The following HS2ST1 variants were observed in gnomAD, a reference collection of about 807,000 sequenced individuals.
The protein encoded by HS2ST1 is heparan sulfate 2-O-sulfotransferase 1.
HS2ST1 carries 18 observed loss-of-function variants against 42.9 expected under a neutral mutation model. The ratio of observed to expected loss-of-function variants is 0.42; its 90% CI spans 0.29 to 0.62. The LOEUF is 0.62. Among genes scored for constraint, HS2ST1 ranks in the 20% least tolerant of loss-of-function variants. The probability of loss-of-function intolerance (pLI) is 0.21; values close to 1 mark genes in which losing one functional copy is unlikely to be tolerated. For missense variants in HS2ST1, 334 were observed against 433.8 expected, an observed-to-expected ratio of 0.77 and a Z score of 2.04; for synonymous variants, 146 against 152.9, an observed-to-expected ratio of 0.95 and a Z score of 0.33.
chr1:86,999,753 T>C (rs1649224553), intron 1 of HS2ST1, among the ~76,000 whole-genome samples: 1 of 152,208 alleles, frequency 6.6e-6, no homozygotes, highest in Admixed American at 6.5e-5. Flanking sequence ...AGTCAAATAT[T>C]CTGCAAGAGT....
At chr1:86,953,531 C>T (rs1403248431) in intron 1 of HS2ST1, among the ~76,000 whole-genome samples, 3 of 152,130 alleles carry the variant, frequency 2.0e-5, no homozygotes, top group African/African-American at 7.2e-5. Flanking sequence ...CCAAGGCAGG[C>T]AGCGGATCAC....
At chr1:87,010,051 AAAAC>A (rs1024490140) in intron 1 of HS2ST1, among the ~76,000 whole-genome samples, 2 of 34,254 alleles carry the variant, frequency 5.8e-5, no homozygotes, top group Non-Finnish European at 1.1e-4. Flanking sequence ...AAAACAAAAC[AAAAC>A]AAAAAAAAAA....
chr1:87,098,224 G>C (rs1652116151), intron 5 of HS2ST1: 1 of 1,001,084 alleles, frequency 1.0e-6, no homozygotes. Context: ...TTAGAGACTG[G>C]GGGTGGGGGT....
At chr1:86,928,605 C>A (rs946357152) in intron 1 of HS2ST1, among the ~76,000 whole-genome samples, 26 of 151,900 alleles carry the variant, frequency 1.7e-4, no homozygotes, top group Non-Finnish European at 2.8e-4. Context: ...CAGAAAAACT[C>A]AGTTGTTTCC....
intron 1 of HS2ST1, among the ~76,000 whole-genome samples, chr1:87,072,718 G>C (rs1308290722): frequency 6.6e-6 from 1 of 152,040 alleles, no homozygotes; most frequent in Admixed American, 6.6e-5. Flanking sequence ...TTCTTGAATA[G>C]GAAGATTATG....
intron 1 of HS2ST1, among the ~76,000 whole-genome samples, chr1:86,947,869 G>A (rs2102182658): frequency 6.6e-6 from 1 of 152,262 alleles, no homozygotes; most frequent in South Asian, 2.1e-4. Context: ...GTTTGGAGAA[G>A]ATGGTATAGG....
intron 1 of HS2ST1, among the ~76,000 whole-genome samples, chr1:87,058,228 C>T (rs1286081754): frequency 6.6e-6 from 1 of 151,592 alleles, no homozygotes; most frequent in Non-Finnish European, 1.5e-5. Context: ...ATGAGTATCT[C>T]CAGAGACTAA....
chr1:87,067,997 C>T (rs572018829), intron 1 of HS2ST1, among the ~76,000 whole-genome samples: 4 of 152,178 alleles, frequency 2.6e-5, no homozygotes, highest in Non-Finnish European at 4.4e-5. Flanking sequence ...AAGTCGGTAG[C>T]GTGATGCCTC....
At chr1:86,973,309 G>A (rs1477853767) in intron 1 of HS2ST1, among the ~76,000 whole-genome samples, 3 of 149,672 alleles carry the variant, frequency 2.0e-5, no homozygotes, top group African/African-American at 7.4e-5. Context: ...ATCAAGTTTA[G>A]ATCAGTTTCC....
At chr1:87,000,002 A>C (rs764232405) in intron 1 of HS2ST1, among the ~76,000 whole-genome samples, 79 of 152,276 alleles carry the variant, frequency 5.2e-4, no homozygotes, top group Admixed American at 1.7e-3. Context: ...CAGCAAGTAC[A>C]CCTTGCCTGT....
At chr1:87,098,078 G>A in intron 5 of HS2ST1, 143 bp downstream of exon 5, 1 of 1,439,430 alleles carries the variant, frequency 6.9e-7, no homozygotes, top group Non-Finnish European at 9.1e-7. Context: ...ATCTAGTTTT[G>A]CAGTTACTTT....
At chr1:86,985,979 C>G (rs534550438) in intron 1 of HS2ST1, among the ~76,000 whole-genome samples, 1 of 148,808 alleles carries the variant, frequency 6.7e-6, no homozygotes, top group South Asian at 2.1e-4. Context: ...ATTGTGTGAG[C>G]TTTGCTTGAC....
chr1:87,020,937 G>A (rs1649926871), intron 1 of HS2ST1, among the ~76,000 whole-genome samples: 2 of 152,124 alleles, frequency 1.3e-5, no homozygotes, highest in South Asian at 4.1e-4. Context: ...ACAGTTCTGA[G>A]CCTCATTCTA....
chr1:86,943,996 T>C (rs899986758), intron 1 of HS2ST1, among the ~76,000 whole-genome samples: 5 of 151,450 alleles, frequency 3.3e-5, no homozygotes, highest in Non-Finnish European at 7.4e-5. Flanking sequence ...CATTGCACTC[T>C]CCCTGGGTAA....
In HS2ST1 at chr1:86,989,895, T is replaced by C. The variant is rs536741202; in HGVS notation, c.124+74735T>C. Among the ~76,000 whole-genome samples, 182 of 152,266 alleles carry C rather than the reference T, an allele frequency of 1.2e-3. 1 individual carries two copies. Among genetic ancestry groups the C allele is most frequent in the African/African-American group, 4.1e-3 (171 of 41,536 alleles). On this transcript the variant is annotated intron_variant, in intron 1 of 6. Coordinates refer to ENST00000370550, the MANE Select transcript of HS2ST1 (RefSeq NM_012262.4). ...TTCATCCATGTCCCTGCAAAGGACG[T>C]GAACTCATCCTTTTTATGGCTGCAT... is the stretch of plus-strand genomic sequence containing the variant.
intron 2 of HS2ST1, among the ~76,000 whole-genome samples, chr1:87,079,145 T>TG (rs398102991): frequency 1.1e-4 from 16 of 151,370 alleles, no homozygotes; most frequent in African/African-American, 3.4e-4. Context: ...TTTTTTTTTT[T>TG]GAGACACAGC....
intron 5 of HS2ST1, among the ~76,000 whole-genome samples, chr1:87,098,921 A>G (rs1652134384): frequency 6.6e-6 from 1 of 152,120 alleles, no homozygotes; most frequent in African/African-American, 2.4e-5. Context: ...CTGGGACTAC[A>G]GGTGCCTGCA....
intron 1 of HS2ST1, chr1:87,045,319 C>A (rs879171999): frequency 2.7e-5 from 32 of 1,206,684 alleles, no homozygotes; most frequent in East Asian, 4.7e-5. Flanking sequence ...TGCAATTTCT[C>A]ATTCCAAATT....
chr1:86,936,563 A>G (rs534256548), intron 1 of HS2ST1, among the ~76,000 whole-genome samples: 1 of 152,290 alleles, frequency 6.6e-6, no homozygotes, highest in South Asian at 2.1e-4. Flanking sequence ...ACCTCCTAAG[A>G]TAGGTGTCAA....
Sources: gnomAD v4.1 joint callset for allele counts (sites outside exome capture counted in the v4.1 genomes callset) on GRCh38, gnomAD v4.1.1 for gene constraint, MANE v1.5 for transcripts, NCBI Gene and HGNC (gene_info 2026-07-23, HGNC 2026-07-21) for gene names.